Variants in DOCK5 observed in about 807,000 individuals in gnomAD.
DOCK5 encodes dedicator of cytokinesis 5.
A neutral mutation model predicts 251.8 loss-of-function variants in DOCK5; 142 were observed. That is an observed-to-expected ratio of 0.56 (90% CI 0.49 to 0.65). The LOEUF (loss-of-function observed/expected upper bound fraction) is 0.65, where lower values mean the gene tolerates loss of function less well. DOCK5 is among the 30% of genes least tolerant of loss of function. The pLI, the probability that DOCK5 is intolerant of heterozygous loss-of-function variation, is 0.00. For missense variants in DOCK5, 2,111 were observed against 2,312.3 expected (o/e 0.91, Z 1.79); for synonymous variants, 842 against 835.5 (o/e 1.01, Z -0.13).
Position 25,323,982 on chromosome 8 carries a change from T to C in DOCK5, c.1719+31T>C, listed in dbSNP as rs746194515. ...GCTAACAGAAAATGGCTGAGAAAAATACTCCCTTTCAAATGAGCATTTAAG... is the reference window on the plus strand; with the variant it reads ...GCTAACAGAAAATGGCTGAGAAAAACACTCCCTTTCAAATGAGCATTTAAG... On this transcript the variant is annotated intron_variant, in intron 17 of 51. Transcript: ENST00000276440. 1.7e-5 allele frequency: 27 copies of C among 1,564,722 alleles called. No homozygotes were observed. The South Asian group carries it at 3.2e-4, about 18-fold the overall frequency.
Position 25,414,032 on chromosome 8 carries a change from G to C in DOCK5, c.*2734G>C, listed in dbSNP as rs1040847558. ...TTTTTCTTGCTAAGAACTCTCTGGA[G>C]TATTGAAAGACATTGAAATTATCCC... On this transcript the variant is annotated 3_prime_UTR_variant, in exon 52 of 52. Coordinates refer to ENST00000276440, the MANE Select transcript of DOCK5 (RefSeq NM_024940.8). 4.9e-4 allele frequency: 74 copies of C among 152,198 alleles called. No individual in the cohort carries two copies. Among genetic ancestry groups the C allele is most frequent in the African/African-American group, 1.7e-3 (70 of 41,444 alleles). 9.4% of individuals were successfully genotyped at this position (152,198 alleles called of 1,614,324 possible). A position where few individuals can be genotyped will look rare whatever the true frequency, so the allele number is the denominator to read the frequency against.
intron 1 of DOCK5, among the ~76,000 whole-genome samples, chr8:25,191,176 C>T (rs1801574282): frequency 6.6e-6 from 1 of 152,014 alleles, no homozygotes; most frequent in Non-Finnish European, 1.5e-5. Context: ...GGGGGGGGTC[C>T]ATGAAATTAA....
chr8:25,300,721 A>G, intron 9 of DOCK5, 64 bp downstream of exon 9: 1 of 1,454,668 alleles, frequency 6.9e-7, no homozygotes, highest in South Asian at 1.3e-5. Flanking sequence ...CACATAATGA[A>G]TATGTGGAAA....
intron 5 of DOCK5, among the ~76,000 whole-genome samples, chr8:25,284,209 A>G (rs1272854941): frequency 2.0e-5 from 3 of 152,180 alleles, no homozygotes; most frequent in Non-Finnish European, 1.5e-5. Flanking sequence ...TTTATGTGCT[A>G]TATGCCTTGC....
intron 1 of DOCK5, among the ~76,000 whole-genome samples, chr8:25,209,031 C>G (rs879302989): frequency 2.0e-5 from 3 of 152,076 alleles, no homozygotes; most frequent in Admixed American, 2.0e-4. Flanking sequence ...TACAGAAAAT[C>G]ACAAGAAAAT....
At chr8:25,305,330 G>A (rs1804888360) in intron 11 of DOCK5, 1 of 150,378 alleles carries the variant, frequency 6.6e-6, no homozygotes, top group African/African-American at 2.5e-5. Flanking sequence ...AAGTTAGCTA[G>A]CCATTTAAGA....
At chr8:25,202,446 A>G (rs1307918126) in intron 1 of DOCK5, among the ~76,000 whole-genome samples, 1 of 152,214 alleles carries the variant, frequency 6.6e-6, no homozygotes, top group Non-Finnish European at 1.5e-5. Context: ...GAATGGATGA[A>G]TGAATGAATT....
At chr8:25,399,850 C>T in intron 45 of DOCK5, 61 bp from the exon 46 acceptor site, 2 of 1,354,216 alleles carry the variant, frequency 1.5e-6, no homozygotes, top group Non-Finnish European at 1.0e-6. Context: ...TTCACCCTTC[C>T]AGGCTTTCCT....
At chr8:25,253,144 G>A (rs1265638237) in intron 2 of DOCK5, among the ~76,000 whole-genome samples, 5 of 152,124 alleles carry the variant, frequency 3.3e-5, no homozygotes, top group African/African-American at 4.8e-5. Context: ...AAAAATGTAC[G>A]TGATTCAGGT....
chr8:25,410,927 G>GAGAGAC (rs1801611260), intron 51 of DOCK5, among the ~76,000 whole-genome samples: 1 of 120,746 alleles, frequency 8.3e-6, no homozygotes, highest in African/African-American at 3.0e-5. Context: ...GGCAGCGAGA[G>GAGAGAC]AGAGAGAGAA....
At chr8:25,333,741 C>T (rs1805735600) in intron 20 of DOCK5, among the ~76,000 whole-genome samples, 1 of 152,152 alleles carries the variant, frequency 6.6e-6, no homozygotes, top group Non-Finnish European at 1.5e-5. Context: ...GTTTCATTAG[C>T]TGCATCCTTG....
chr8:25,279,140 T>TA (rs1804120995), intron 5 of DOCK5, among the ~76,000 whole-genome samples: 1 of 152,156 alleles, frequency 6.6e-6, no homozygotes, highest in Non-Finnish European at 1.5e-5. Context: ...TTGGCCCACA[T>TA]ACCTTACAGA....
chr8:25,190,844 C>T (rs959214902), intron 1 of DOCK5, among the ~76,000 whole-genome samples: 9 of 120,160 alleles, frequency 7.5e-5, no homozygotes, highest in South Asian at 5.9e-4. Context: ...AGTGCAGTGG[C>T]GCGATCTCGG....
At chr8:25,372,813 C>T (rs376458078) in intron 35 of DOCK5, 95 bp downstream of exon 35, 56 of 1,237,614 alleles carry the variant, frequency 4.5e-5, no homozygotes, top group Admixed American at 6.8e-5. Context: ...AACACAGAGG[C>T]GCCCTGAGGC....
chr8:25,205,250 A>G (rs1308661726), intron 1 of DOCK5, among the ~76,000 whole-genome samples: 1 of 149,994 alleles, frequency 6.7e-6, no homozygotes, highest in Non-Finnish European at 1.5e-5. Flanking sequence ...GCTGTCTCTC[A>G]CTCTCTCTCC....
At chr8:25,299,377 G>A (rs1305061820) in intron 8 of DOCK5, 2 of 347,416 alleles carry the variant, frequency 5.8e-6, no homozygotes, top group Non-Finnish European at 1.0e-5. Context: ...ACAGTGTGTG[G>A]GAGGGTGAGA....
intron 2 of DOCK5, among the ~76,000 whole-genome samples, chr8:25,265,269 G>C (rs1803710059): frequency 6.6e-6 from 1 of 151,992 alleles, no homozygotes; most frequent in African/African-American, 2.4e-5. Context: ...AGTTCCTGGT[G>C]GGTCTCACGG....
chr8:25,342,488 C>T lies in DOCK5; in HGVS notation c.2598C>T (p.Ser866=). The T allele has an allele frequency of 6.3e-7, 1 of 1,590,084 alleles. No individual in the cohort carries two copies. Among genetic ancestry groups the T allele is most frequent in the East Asian group, 2.3e-5 (1 of 44,068 alleles). ...KLNCMTKIVE[S]TLFRQSECRE... is the part of the protein sequence containing the mutation. ...ACTGCATGACCAAGATAGTAGAGAGCACTCTTTTTCGACAGTCAGGTAAGT... is the reference window on the plus strand; with the variant it reads ...ACTGCATGACCAAGATAGTAGAGAGTACTCTTTTTCGACAGTCAGGTAAGT... Residue 866 remains serine (S), a synonymous_variant, in exon 25 of 52, where the codon AGC becomes AGT. Coordinates refer to ENST00000276440, the MANE Select transcript of DOCK5 (RefSeq NM_024940.8).
At chr8:25,239,751 G>A (rs1005192424) in intron 1 of DOCK5, among the ~76,000 whole-genome samples, 11 of 152,132 alleles carry the variant, frequency 7.2e-5, no homozygotes, top group African/African-American at 2.2e-4. Flanking sequence ...TCTGAATCGC[G>A]TGCGATTTCT....
Sources: gnomAD v4.1 joint callset for allele counts (sites outside exome capture counted in the v4.1 genomes callset) on GRCh38, gnomAD v4.1.1 for gene constraint, MANE v1.5 for transcripts, NCBI Gene and HGNC (gene_info 2026-07-23, HGNC 2026-07-21) for gene names.